The following CRPPA variants were observed in gnomAD, a reference collection of about 807,000 sequenced individuals.
The protein encoded by CRPPA is D-ribitol-5-phosphate cytidylyltransferase.
Under a neutral mutation model 52.0 loss-of-function variants are expected in CRPPA, and 43 were observed. The ratio of observed to expected loss-of-function variants is 0.83; its 90% CI spans 0.65 to 1.07. The LOEUF is 1.07. CRPPA is among the 50% of genes least tolerant of loss of function. The pLI is 0.00. For synonymous variants in CRPPA, 250 were observed against 203.5 expected, an observed-to-expected ratio of 1.23 and a Z score of -1.94; for missense variants, 629 against 551.7, an observed-to-expected ratio of 1.14 and a Z score of -1.40.
At chr7:16,397,423 G>A (rs1487984331) in intron 2 of CRPPA, among the ~76,000 whole-genome samples, 1 of 152,204 alleles carries the variant, frequency 6.6e-6, no homozygotes, top group Non-Finnish European at 1.5e-5. Context: ...ACACGTGACT[G>A]ACACGTGTAA....
At chr7:16,287,923 A>AGGG (rs1784483627) in intron 5 of CRPPA, among the ~76,000 whole-genome samples, 1 of 123,548 alleles carries the variant, frequency 8.1e-6, no homozygotes, top group Non-Finnish European at 1.6e-5. Flanking sequence ...GGAAGGAAGG[A>AGGG]AGGGAGGGAG....
rs587777797 is a variant in CRPPA, at chr7:16,421,162, C to A, written c.161G>T (p.Gly54Val). Residue 54 changes from glycine to valine, a missense_variant, in exon 1 of 10, where the codon GGG becomes GTG. By Grantham distance (109) the Gly-to-Val change is moderately radical (BLOSUM62 -3). Coordinates refer to ENST00000407010, the MANE Select transcript of CRPPA (RefSeq NM_001101426.4). ...PQAVAAVLPA[G>V]GCGERMGVPT... ...GACCCCCATCCTCTCCCCGCACCCC[C>A]CGGCAGGCAACACAGCTGCCACGGC... The A allele has an allele frequency of 3.0e-6, 4 of 1,338,614 alleles. No homozygotes were observed. The highest frequency in any genetic ancestry group is 3.8e-6 in the Non-Finnish European group (4 of 1,039,784). The allele number at this position is 1,338,614 out of a possible 1,614,324, so 82.9% of individuals were successfully genotyped here. A position where few individuals can be genotyped will look rare whatever the true frequency, so the allele number is the denominator to read the frequency against.
intron 8 of CRPPA, among the ~76,000 whole-genome samples, chr7:16,232,171 C>T (rs535348032): frequency 6.6e-6 from 1 of 152,254 alleles, no homozygotes; most frequent in Admixed American, 6.5e-5. Context: ...AATGCACACA[C>T]AGGGTTGGAA....
At chr7:16,344,971 T>A (rs1216529613) in intron 3 of CRPPA, among the ~76,000 whole-genome samples, 1 of 152,046 alleles carries the variant, frequency 6.6e-6, no homozygotes, top group Non-Finnish European at 1.5e-5. Flanking sequence ...TGCCCAATTT[T>A]GATGAAAAAG....
At chr7:16,232,123 T>C (rs139800659) in intron 8 of CRPPA, among the ~76,000 whole-genome samples, 127 of 152,282 alleles carry the variant, frequency 8.3e-4, no homozygotes, top group African/African-American at 3.0e-3. Flanking sequence ...TGCACCTATG[T>C]GAGAAAATTA....
intron 9 of CRPPA, among the ~76,000 whole-genome samples, chr7:16,127,566 C>T (rs927603341): frequency 1.3e-5 from 2 of 151,856 alleles, no homozygotes; most frequent in Non-Finnish European, 2.9e-5. Flanking sequence ...TTTCCATTCA[C>T]AAAATTTGGT....
chr7:16,193,940 C>A (rs1031716156), intron 9 of CRPPA, among the ~76,000 whole-genome samples: 2 of 152,086 alleles, frequency 1.3e-5, no homozygotes, highest in Non-Finnish European at 2.9e-5. Context: ...CCTTCTTCAA[C>A]CAAATAGCTG....
At chr7:16,161,764 C>T (rs1292807288) in intron 9 of CRPPA, among the ~76,000 whole-genome samples, 1 of 152,140 alleles carries the variant, frequency 6.6e-6, no homozygotes, top group Non-Finnish European at 1.5e-5. Flanking sequence ...AGAATGGTAC[C>T]AGCTCCTATT....
chr7:16,146,278 G>C (rs1255449703), intron 9 of CRPPA, among the ~76,000 whole-genome samples: 1 of 150,240 alleles, frequency 6.7e-6, no homozygotes, highest in African/African-American at 2.4e-5. Flanking sequence ...GAGAGATAAA[G>C]ACTTTCCTTT....
intron 5 of CRPPA, among the ~76,000 whole-genome samples, chr7:16,285,937 T>C (rs1160394127): frequency 5.1e-5 from 7 of 136,172 alleles, no homozygotes; most frequent in Non-Finnish European, 1.1e-4. Flanking sequence ...GGAGAATCGC[T>C]TGAACCTGGG....
chr7:16,108,949 T>G (rs1782207337), intron 9 of CRPPA, among the ~76,000 whole-genome samples: 1 of 151,810 alleles, frequency 6.6e-6, no homozygotes. Context: ...GGAGAAAGTT[T>G]GTAATGATAA....
At chr7:16,251,662 A>T (rs1167748088) in intron 8 of CRPPA, among the ~76,000 whole-genome samples, 2 of 152,242 alleles carry the variant, frequency 1.3e-5, no homozygotes, top group Non-Finnish European at 2.9e-5. Context: ...AGAAATAAAG[A>T]TGTTCTTTGA....
intron 8 of CRPPA, among the ~76,000 whole-genome samples, chr7:16,226,163 A>G (rs754011942): frequency 6.6e-6 from 1 of 151,952 alleles, no homozygotes; most frequent in Non-Finnish European, 1.5e-5. Flanking sequence ...GGTTTCTTTG[A>G]GCCCAGGAAA....
chr7:16,257,449 G>A (rs1783674113), intron 8 of CRPPA, among the ~76,000 whole-genome samples: 3 of 151,972 alleles, frequency 2.0e-5, no homozygotes, highest in Non-Finnish European at 2.9e-5. Context: ...AGAAGCTTGG[G>A]TTTCAAAACC....
At chr7:16,209,552 G>A (rs769368827) in intron 9 of CRPPA, among the ~76,000 whole-genome samples, 18 of 152,096 alleles carry the variant, frequency 1.2e-4, no homozygotes, top group East Asian at 1.9e-4. Flanking sequence ...GATTGCAGGC[G>A]TGAGCCATGG....
chr7:16,311,686 T>A (rs1785037523), intron 3 of CRPPA, among the ~76,000 whole-genome samples: 1 of 152,118 alleles, frequency 6.6e-6, no homozygotes, highest in African/African-American at 2.4e-5. Flanking sequence ...GGTAAGAGTA[T>A]GTTTTGTAAG....
intron 3 of CRPPA, among the ~76,000 whole-genome samples, chr7:16,343,602 G>A (rs973622511): frequency 3.3e-5 from 5 of 152,126 alleles, no homozygotes; most frequent in Admixed American, 6.5e-5. Context: ...ACAGTCAGTG[G>A]TAATTGTTTA....
chr7:16,155,904 G>T (rs190923337), intron 9 of CRPPA, among the ~76,000 whole-genome samples: 6 of 151,416 alleles, frequency 4.0e-5, no homozygotes, highest in African/African-American at 7.3e-5. Context: ...AACAAACAAG[G>T]GTTCCTTAAT....
chr7:16,298,636 T>C (rs115996568), intron 5 of CRPPA, among the ~76,000 whole-genome samples: 1 of 152,248 alleles, frequency 6.6e-6, no homozygotes, highest in African/African-American at 2.4e-5. Flanking sequence ...AAATTATGTG[T>C]CATAAAAATG....
Sources: allele counts gnomAD v4.1 joint callset (sites outside exome capture counted in the v4.1 genomes callset), GRCh38; gene constraint gnomAD v4.1.1; transcripts MANE v1.5; gene names NCBI Gene and HGNC (gene_info 2026-07-23, HGNC 2026-07-21).